The following FARP1 variants were observed in gnomAD, a reference collection of about 807,000 sequenced individuals.
The protein encoded by FARP1 is FERM, ARH/RhoGEF and pleckstrin domain protein 1, also known as FERM, ARHGEF and pleckstrin domain-containing protein 1.
Under a neutral mutation model 128.8 loss-of-function variants are expected in FARP1, and 52 were observed. The ratio of observed to expected loss-of-function variants is 0.40; its 90% CI spans 0.32 to 0.51. The LOEUF (loss-of-function observed/expected upper bound fraction) is 0.51, where lower values mean the gene tolerates loss of function less well. Ranked by LOEUF, FARP1 falls within the 20% of genes least tolerant of loss-of-function variation. The pLI is 0.45. For synonymous variants in FARP1, 580 were observed against 551.8 expected, an observed-to-expected ratio of 1.05 and a Z score of -0.72; for missense variants, 1,333 against 1,367.9, an observed-to-expected ratio of 0.97 and a Z score of 0.40.
intron 2 of FARP1, among the ~76,000 whole-genome samples, chr13:98,325,861 C>T (rs534229609): frequency 6.6e-6 from 1 of 152,182 alleles, no homozygotes; most frequent in African/African-American, 2.4e-5. Context: ...ACAACCAGGG[C>T]CTGAAAGCCG....
At position 98,176,409 on chromosome 13, in the gene FARP1, G is replaced by T. The variant is rs777223809; in HGVS notation, c.-24+32917G>T. On this transcript the variant is annotated intron_variant, in intron 1 of 26. Transcript: ENST00000319562. This position sits in a 1 kb window ranked among gnomAD's most constrained non-coding sequence, Gnocchi z 6.2. ...GGAAGTGCTCCAGCGCGCAGCTCTC[G>T]CAGAAATAATGCCTGCACTTGGTGA... 6.2e-7 allele frequency: 1 copy of T among 1,614,212 alleles called. No homozygotes were observed.
At position 98,246,989 on chromosome 13, in the gene FARP1, G is replaced by T. The variant is rs150630323; in HGVS notation, c.171+33576G>T. Among the ~76,000 whole-genome samples, 134 of 152,338 alleles carry T rather than the reference G, an allele frequency of 8.8e-4. No homozygotes were observed. The East Asian group carries it at 0.022, about 25-fold the overall frequency. On this transcript the variant is annotated intron_variant, in intron 2 of 26. Transcript: ENST00000319562. Reference sequence around the variant, plus strand: ...GCCTGTAATCCCAGCACTTTGGGAGGCCAAGGTGGACGGATCACCTGAGGT... The same window carrying T: ...GCCTGTAATCCCAGCACTTTGGGAGTCCAAGGTGGACGGATCACCTGAGGT...
intron 2 of FARP1, among the ~76,000 whole-genome samples, chr13:98,280,606 A>G (rs1285694259): frequency 6.6e-6 from 1 of 151,314 alleles, no homozygotes; most frequent in Non-Finnish European, 1.5e-5. Context: ...AGCAACTTGA[A>G]CAAGTTCATC....
chr13:98,268,509 C>A (rs1205508049), intron 2 of FARP1, among the ~76,000 whole-genome samples: 3 of 152,142 alleles, frequency 2.0e-5, no homozygotes, highest in Non-Finnish European at 4.4e-5. Flanking sequence ...GCTCTGTCAC[C>A]CAGGCTGGAG....
At chr13:98,296,688 CT>C (rs11420681) in intron 2 of FARP1, among the ~76,000 whole-genome samples, 3,710 of 123,218 alleles carry the variant, frequency 0.03, 141 homozygotes, top group African/African-American at 0.1. Context: ...ACTTAATGGC[CT>C]TTTTTTTTTT....
intron 18 of FARP1, 59 bp from the exon 19 acceptor site, chr13:98,435,517 T>A (rs1892220660): frequency 6.4e-7 from 1 of 1,551,354 alleles, no homozygotes; most frequent in Admixed American, 1.8e-5. Flanking sequence ...TGACAGCTGC[T>A]AGGGGAAGAC....
intron 6 of FARP1, chr13:98,384,193 T>TTTTGGGG (rs1890003317): frequency 4.0e-5 from 1 of 24,972 alleles, no homozygotes; most frequent in African/African-American, 1.4e-4. Context: ...CTTTTTTTTT[T>TTTTGGGG]GTAGGGGGGC....
chr13:98,162,170 A>G (rs1296672141), intron 1 of FARP1, among the ~76,000 whole-genome samples: 1 of 152,106 alleles, frequency 6.6e-6, no homozygotes, highest in Non-Finnish European at 1.5e-5. Flanking sequence ...AGTGTTCTTC[A>G]TGGGTTAGAA....
intron 2 of FARP1, among the ~76,000 whole-genome samples, chr13:98,260,877 A>G (rs75679878): frequency 6.6e-6 from 1 of 152,190 alleles, no homozygotes; most frequent in Non-Finnish European, 1.5e-5. Context: ...CCAGGACACA[A>G]TTCCAAATCC....
intron 3 of FARP1, among the ~76,000 whole-genome samples, chr13:98,344,458 C>T (rs368212673): frequency 7.9e-5 from 12 of 152,130 alleles, no homozygotes; most frequent in South Asian, 2.1e-4. Context: ...AGACCATGCC[C>T]GGGGGTGAAG....
intron 2 of FARP1, among the ~76,000 whole-genome samples, chr13:98,331,093 G>A (rs1304587052): frequency 2.0e-5 from 3 of 152,308 alleles, no homozygotes; most frequent in African/African-American, 7.2e-5. Flanking sequence ...CAAAGCAGAA[G>A]CATCTTATTT....
At chr13:98,192,656 G>T (rs1268298960) in intron 1 of FARP1, among the ~76,000 whole-genome samples, 8 of 152,244 alleles carry the variant, frequency 5.3e-5, no homozygotes, top group African/African-American at 1.9e-4. Flanking sequence ...CTCCCAAAGT[G>T]CTGGGATTAC....
chr13:98,395,982 T>C, intron 13 of FARP1: 1 of 399,096 alleles, frequency 2.5e-6, no homozygotes, highest in Non-Finnish European at 4.4e-6. Flanking sequence ...GAGAAGACAC[T>C]CTCCCGGACC....
chr13:98,220,923 A>C (rs1318079978), intron 2 of FARP1, among the ~76,000 whole-genome samples: 1 of 152,184 alleles, frequency 6.6e-6, no homozygotes, highest in Non-Finnish European at 1.5e-5. Flanking sequence ...TCTGAATCTG[A>C]CTTTAAAATG....
chr13:98,293,070 G>A lies in FARP1; in HGVS notation c.172-50692G>A, dbSNP rs1375836054. On this transcript the variant is annotated intron_variant, in intron 2 of 26. Coordinates refer to ENST00000319562, the MANE Select transcript of FARP1 (RefSeq NM_005766.4). Reference sequence around the variant, plus strand: ...ATTTTGAAAGTCCCCCGTTTGTGTCGGTGGGTATGTGATCTGACTTTGAAT... The same window carrying A: ...ATTTTGAAAGTCCCCCGTTTGTGTCAGTGGGTATGTGATCTGACTTTGAAT... Among the ~76,000 whole-genome samples, 10 of 152,078 alleles carry A rather than the reference G, an allele frequency of 6.6e-5. 1 individual carries two copies. In the East Asian group the frequency reaches 1.5e-3, roughly 23 times the overall value.
At chr13:98,346,627 C>G (rs1352317429) in intron 3 of FARP1, among the ~76,000 whole-genome samples, 1 of 152,008 alleles carries the variant, frequency 6.6e-6, no homozygotes, top group African/African-American at 2.4e-5. Context: ...CGCCTGTAGT[C>G]CCAGTGACTC....
At chr13:98,349,883 G>A (rs148145513) in intron 3 of FARP1, among the ~76,000 whole-genome samples, 116 of 152,158 alleles carry the variant, frequency 7.6e-4, no homozygotes, top group African/African-American at 2.7e-3. Context: ...GCAGTTCCCG[G>A]GGATGACGGG....
intron 2 of FARP1, among the ~76,000 whole-genome samples, chr13:98,236,796 T>C (rs1882445834): frequency 6.6e-6 from 1 of 151,458 alleles, no homozygotes; most frequent in Non-Finnish European, 1.5e-5. Flanking sequence ...GAGACCAGCC[T>C]GGCCAACTTG....
chr13:98,287,600 C>G (rs778866977), intron 2 of FARP1, among the ~76,000 whole-genome samples: 1 of 152,036 alleles, frequency 6.6e-6, no homozygotes, highest in Non-Finnish European at 1.5e-5. Context: ...TTGACTGATT[C>G]TAGATTGTTT....
Sources: allele counts gnomAD v4.1 joint callset (sites outside exome capture counted in the v4.1 genomes callset), GRCh38; gene constraint gnomAD v4.1.1; non-coding constraint Gnocchi (gnomAD v3.1); transcripts MANE v1.5; gene names NCBI Gene and HGNC (gene_info 2026-07-23, HGNC 2026-07-21).